Variants in CCSER1 observed in about 807,000 individuals in gnomAD.
CCSER1 encodes coiled-coil serine rich protein 1.
Under a neutral mutation model 82.0 loss-of-function variants are expected in CCSER1, and 41 were observed. The ratio of observed to expected loss-of-function variants is 0.50; its 90% CI spans 0.39 to 0.65. CCSER1 has a LOEUF of 0.65. Among genes scored for constraint, CCSER1 ranks in the 30% least tolerant of loss-of-function variants. The pLI, the probability that CCSER1 is intolerant of heterozygous loss-of-function variation, is 0.00. For synonymous variants in CCSER1, 414 were observed against 383.9 expected (o/e 1.08, Z -0.92); for missense variants, 1,119 against 1,064.2 (o/e 1.05, Z -0.72).
At chr4:91,589,923 C>T (rs767680338) in intron 10 of CCSER1, among the ~76,000 whole-genome samples, 7 of 151,966 alleles carry the variant, frequency 4.6e-5, no homozygotes, top group Non-Finnish European at 7.4e-5. Context: ...CACTCTCTCA[C>T]ACATACATTA....
intron 10 of CCSER1, among the ~76,000 whole-genome samples, chr4:91,520,787 C>T (rs1760416515): frequency 6.6e-6 from 1 of 151,862 alleles, no homozygotes; most frequent in South Asian, 2.1e-4. Context: ...TTTTGCTGTC[C>T]TGTTATTTGT....
chr4:91,304,154 ATG>A (rs1187569116), intron 10 of CCSER1, among the ~76,000 whole-genome samples: 2 of 152,040 alleles, frequency 1.3e-5, no homozygotes, highest in African/African-American at 2.4e-5. Flanking sequence ...AAAATCCTTA[ATG>A]TTCTAAAAAA....
intron 10 of CCSER1, among the ~76,000 whole-genome samples, chr4:91,145,623 G>T (rs1729462391): frequency 1.3e-5 from 2 of 151,986 alleles, no homozygotes; most frequent in South Asian, 2.1e-4. Context: ...ATCTCTCTTC[G>T]GCGTCACTGT....
chr4:90,431,771 A>G (rs1412009932), intron 4 of CCSER1, among the ~76,000 whole-genome samples: 2 of 152,118 alleles, frequency 1.3e-5, no homozygotes, highest in Non-Finnish European at 2.9e-5. Flanking sequence ...TAAAGAGCAT[A>G]TGCTCTTTAA....
At chr4:90,569,870 C>T (rs1026118673) in intron 5 of CCSER1, among the ~76,000 whole-genome samples, 7 of 152,166 alleles carry the variant, frequency 4.6e-5, no homozygotes, top group African/African-American at 1.7e-4. Flanking sequence ...AGACCACCTG[C>T]CTGGCTGCTC....
chr4:90,158,860 C>G (rs570192473), intron 1 of CCSER1, among the ~76,000 whole-genome samples: 2 of 152,124 alleles, frequency 1.3e-5, no homozygotes, highest in Admixed American at 1.3e-4. Flanking sequence ...CCTGCTTCGG[C>G]TCGCGCAGGG....
chr4:91,478,662 T>A (rs1757723983), intron 10 of CCSER1, among the ~76,000 whole-genome samples: 1 of 151,904 alleles, frequency 6.6e-6, no homozygotes, highest in South Asian at 2.1e-4. Flanking sequence ...ATGATTTTTT[T>A]TAAATGTCAA....
At chr4:91,104,515 G>A (rs1474909726) in intron 10 of CCSER1, among the ~76,000 whole-genome samples, 1 of 123,308 alleles carries the variant, frequency 8.1e-6, no homozygotes, top group Non-Finnish European at 1.7e-5. Context: ...TTGAAATATT[G>A]GGGGTGGGTT....
At chr4:91,252,241 C>T (rs556468384) in intron 10 of CCSER1, among the ~76,000 whole-genome samples, 247 of 152,160 alleles carry the variant, frequency 1.6e-3, no homozygotes, top group African/African-American at 5.8e-3. Flanking sequence ...CAAAACTATC[C>T]TTCAAAAGTG....
intron 1 of CCSER1, among the ~76,000 whole-genome samples, chr4:90,160,760 C>A (rs1729289754): frequency 6.6e-6 from 1 of 151,958 alleles, no homozygotes; most frequent in Non-Finnish European, 1.5e-5. Flanking sequence ...AGAATGTAGA[C>A]CTCTAGAGGA....
At chr4:90,666,354 G>A (rs1731785621) in intron 6 of CCSER1, among the ~76,000 whole-genome samples, 1 of 152,056 alleles carries the variant, frequency 6.6e-6, no homozygotes, top group East Asian at 1.9e-4. Flanking sequence ...AAATTATGGG[G>A]CTAAAATTCT....
At chr4:91,499,805 G>T (rs11730700) in intron 10 of CCSER1, among the ~76,000 whole-genome samples, 80,926 of 151,624 alleles carry the variant, frequency 0.53, 22,128 homozygotes, top group East Asian at 0.65. Context: ...ATGGCTTGGT[G>T]GCTCATTCAT....
intron 5 of CCSER1, among the ~76,000 whole-genome samples, chr4:90,565,613 T>C (rs578229419): frequency 6.6e-6 from 1 of 152,332 alleles, no homozygotes; most frequent in Non-Finnish European, 1.5e-5. Flanking sequence ...AGTCTTTAGC[T>C]GTTCCCTGTT....
chr4:91,385,441 G>A (rs1373740833), intron 10 of CCSER1, among the ~76,000 whole-genome samples: 3 of 152,144 alleles, frequency 2.0e-5, no homozygotes, highest in South Asian at 2.1e-4. Context: ...GCAGCATGGA[G>A]CAGGAGGAAC....
At chr4:90,131,232 C>A (rs1447174333) in intron 1 of CCSER1, among the ~76,000 whole-genome samples, 1 of 152,186 alleles carries the variant, frequency 6.6e-6, no homozygotes, top group Non-Finnish European at 1.5e-5. Context: ...AACTCCGGAC[C>A]TCAGTTGATC....
At chr4:90,882,378 T>C (rs77491303) in intron 8 of CCSER1, among the ~76,000 whole-genome samples, 1,756 of 152,044 alleles carry the variant, frequency 0.012, 31 homozygotes, top group African/African-American at 0.041. Context: ...AATACAAAGA[T>C]TGGTTTGCAA....
In CCSER1 at chr4:90,304,608, T is replaced by C. The variant is rs555998770; in HGVS notation, c.-41-3636T>C. Among the ~76,000 whole-genome samples the C allele has an allele frequency of 7.3e-5, 11 of 151,384 alleles. No homozygotes were observed. The South Asian group carries it at 1.7e-3, about 23-fold the overall frequency. On this transcript the variant is annotated intron_variant, in intron 1 of 10. Transcript: ENST00000509176. Reference sequence around the variant, plus strand: ...ATGGGAATTGAACAATGAGAACACATGGACACAGGAAGGGGAACATCACAC... The same window carrying C: ...ATGGGAATTGAACAATGAGAACACACGGACACAGGAAGGGGAACATCACAC...
intron 3 of CCSER1, among the ~76,000 whole-genome samples, chr4:90,356,055 C>T (rs1412619398): frequency 3.3e-5 from 5 of 151,794 alleles, no homozygotes; most frequent in African/African-American, 9.7e-5. Flanking sequence ...CACTTGACAT[C>T]GTGTATCTTT....
intron 10 of CCSER1, among the ~76,000 whole-genome samples, chr4:91,269,931 C>T (rs559774147): frequency 1.8e-4 from 27 of 152,174 alleles, no homozygotes; most frequent in African/African-American, 5.5e-4. Flanking sequence ...AAACCAAATC[C>T]CCTGATAAGT....
Sources: allele counts gnomAD v4.1 joint callset (sites outside exome capture counted in the v4.1 genomes callset), GRCh38; gene constraint gnomAD v4.1.1; transcripts MANE v1.5; gene names NCBI Gene and HGNC (gene_info 2026-07-23, HGNC 2026-07-21).